Variants in KARS1 observed in about 807,000 individuals in gnomAD.
The protein encoded by KARS1 is lysine--tRNA ligase.
Under a neutral mutation model 63.9 loss-of-function variants are expected in KARS1, and 50 were observed. The ratio of observed to expected loss-of-function variants is 0.78; its 90% CI spans 0.62 to 0.99. The LOEUF is 0.99. Ranked by LOEUF, KARS1 falls within the 50% of genes least tolerant of loss-of-function variation. KARS1 has a pLI of 0.00. For missense variants in KARS1, 816 were observed against 754.5 expected (o/e 1.08, Z -0.95); for synonymous variants, 320 against 264.6 (o/e 1.21, Z -2.03).
At chr16:75,628,907 G>C in intron 12 of KARS1, 195 bp from the exon 13 acceptor site, 1 of 646,834 alleles carries the variant, frequency 1.5e-6, no homozygotes, top group Non-Finnish European at 2.7e-6. Context: ...GGTCAGGACT[G>C]ATGAAATCGA....
intron 1 of KARS1, among the ~76,000 whole-genome samples, chr16:75,646,890 G>C (rs2082291656): frequency 6.6e-6 from 1 of 152,242 alleles, no homozygotes; most frequent in Middle Eastern, 3.4e-3. Context: ...GTGTTCTGTG[G>C]TTCAAATGGG....
chr16:75,634,018 G>T, intron 7 of KARS1, 155 bp downstream of exon 7: 1 of 805,828 alleles, frequency 1.2e-6, no homozygotes. Context: ...AGAAATTCTG[G>T]AAGTGTTACT....
chr16:75,644,429 G>A, intron 1 of KARS1: 4 of 1,609,594 alleles, frequency 2.5e-6, no homozygotes, highest in Non-Finnish European at 3.4e-6. Context: ...GCGTCAACAT[G>A]GCAGAGCACC....
intron 6 of KARS1, chr16:75,635,367 CG>C (rs1362901632): frequency 1.5e-5 from 5 of 343,460 alleles, no homozygotes; most frequent in Non-Finnish European, 2.8e-5. Flanking sequence ...TTTTATGGTA[CG>C]TGTGTTTGCC....
In KARS1 at chr16:75,631,600, A is replaced by AT. The variant is rs2082114625; in HGVS notation, c.1079-12_1079-11insA. 1 of 1,613,998 alleles carries AT rather than the reference A, an allele frequency of 6.2e-7. No individual in the cohort carries two copies. Among genetic ancestry groups the AT allele is most frequent in the Admixed American group, 1.7e-5 (1 of 59,998 alleles). ...TATGCTTCACCATCCCTGGGAGAGA[A>AT]ACCTGTTATTTAGCGGGAATGAAAT... On this transcript the variant is annotated splice_polypyrimidine_tract_variant and intron_variant, in intron 8 of 13. Transcript: ENST00000302445.
intron 3 of KARS1, among the ~76,000 whole-genome samples, chr16:75,637,779 CAAAA>C (rs72500765): frequency 2.2e-5 from 2 of 91,228 alleles, no homozygotes; most frequent in Non-Finnish European, 4.5e-5. Context: ...AACTCAGTCT[CAAAA>C]AAAAAAAAAA....
intron 1 of KARS1, among the ~76,000 whole-genome samples, chr16:75,644,929 A>C (rs1408266630): frequency 6.6e-6 from 1 of 152,264 alleles, no homozygotes; most frequent in South Asian, 2.1e-4. Context: ...GTCAAAGAGA[A>C]GACTTGTTTG....
chr16:75,629,589 G>A, intron 11 of KARS1, 48 bp from the exon 12 acceptor site: 3 of 1,608,170 alleles, frequency 1.9e-6, no homozygotes, highest in East Asian at 2.2e-5. Context: ...GGCCCCTAAT[G>A]AGCTAAATTT....
At chr16:75,644,121 T>G (rs976891542) in intron 1 of KARS1, among the ~76,000 whole-genome samples, 1 of 152,240 alleles carries the variant, frequency 6.6e-6, no homozygotes, top group African/African-American at 2.4e-5. Flanking sequence ...CGATTTGAAT[T>G]TATTAAAGAG....
intron 2 of KARS1, 138 bp from the exon 3 acceptor site, chr16:75,640,487 AG>A (rs1417824736): frequency 1.3e-6 from 1 of 785,804 alleles, no homozygotes; most frequent in Admixed American, 2.4e-5. Context: ...TCTGCATTAC[AG>A]GATTGAATAT....
chr16:75,646,615 G>A (rs190527162), intron 1 of KARS1, among the ~76,000 whole-genome samples: 235 of 152,170 alleles, frequency 1.5e-3, no homozygotes, highest in African/African-American at 5.2e-3. Flanking sequence ...TAACTCCTTG[G>A]GGAAAGCGAT....
At chr16:75,637,882 G>C (rs577217761) in intron 3 of KARS1, among the ~76,000 whole-genome samples, 18 of 108,834 alleles carry the variant, frequency 1.7e-4, no homozygotes, top group African/African-American at 6.4e-4. Flanking sequence ...AAACTAACAG[G>C]ACAAGGAAAA....
Position 75,630,487 on chromosome 16 carries a change from C to T in KARS1, c.1360G>A (p.Val454Met). 1 of 1,610,554 alleles carries T rather than the reference C, an allele frequency of 6.2e-7. No individual in the cohort carries two copies. The highest frequency in any genetic ancestry group is 8.5e-7 in the Non-Finnish European group (1 of 1,177,134). The stretch of plus-strand genomic sequence containing the variant: ...ATGAATGTAGGATTGATGCAAGTCA[C>T]TTCCAGGAACTCCCCAACAAGCTTA... Reference protein sequence around the residue: ...LDKLVGEFLEVTCINPTFICD... With the variant: ...LDKLVGEFLEMTCINPTFICD... The change falls in exon 11 of 14, where the codon GTG becomes ATG. Residue 454 changes from valine (V) to methionine (M), a missense_variant. Coordinates refer to ENST00000302445, the MANE Select transcript of KARS1 (RefSeq NM_005548.3).
At position 75,628,695 on chromosome 16, in the gene KARS1, A is replaced by G; in HGVS notation, c.1569T>C (p.Asp523=). Residue 523 remains aspartate (D), a synonymous_variant, in exon 13 of 14, where the codon GAT becomes GAC. Coordinates refer to ENST00000302445, the MANE Select transcript of KARS1 (RefSeq NM_005548.3). ...EEQAKAKAAG[D]DEAMFIDENF... ...TTTCATCTATGAACATGGCCTCATC[A>G]TCACCTGCAGCCTTGGCCTAGAAGA... 1 of 1,614,224 alleles carries G rather than the reference A, an allele frequency of 6.2e-7. No individual in the cohort carries two copies. Among genetic ancestry groups the G allele is most frequent in the Non-Finnish European group, 8.5e-7 (1 of 1,180,040 alleles).
chr16:75,644,489 TCAGATGGGACAGACAGTATA>T, intron 1 of KARS1: 1 of 1,535,420 alleles, frequency 6.5e-7, no homozygotes, highest in South Asian at 1.2e-5. Flanking sequence ...AGATGTGGTG[TCAGATGGGACAGACAGTATA>T]CATATACCCA....
At chr16:75,637,665 G>C (rs1168311323) in intron 3 of KARS1, among the ~76,000 whole-genome samples, 9 of 151,812 alleles carry the variant, frequency 5.9e-5, no homozygotes, top group African/African-American at 9.7e-5. Flanking sequence ...TGTAATCCCA[G>C]CTACTTGGGA....
rs1216611088 is a variant in KARS1 at position 75,634,325 on chromosome 16, G to A, written c.796-33C>T. 1.9e-6 allele frequency: 3 copies of A among 1,611,836 alleles called. No homozygotes were observed. The South Asian group carries it at 3.3e-5, about 18-fold the overall frequency. ...AGGCAGGGAGAAACATCAGTCCTTA[G>A]ATAACCAGAGGCCTTGGGGACAGAC... On this transcript the variant is annotated intron_variant, in intron 6 of 13. Coordinates refer to ENST00000302445, the MANE Select transcript of KARS1 (RefSeq NM_005548.3).
At chr16:75,641,824 C>T (rs1241951412) in intron 1 of KARS1, 101 bp from the exon 2 acceptor site, 19 of 1,252,574 alleles carry the variant, frequency 1.5e-5, no homozygotes, top group East Asian at 1.4e-4. Flanking sequence ...CCAGGAGAAA[C>T]GCTCTTGCTC....
intron 1 of KARS1, chr16:75,644,346 C>G: frequency 1.9e-6 from 3 of 1,610,810 alleles, no homozygotes; most frequent in Non-Finnish European, 2.5e-6. Context: ...TTGACCCAGT[C>G]GCAGTTCCCT....
Sources: allele counts gnomAD v4.1 joint callset (sites outside exome capture counted in the v4.1 genomes callset), GRCh38; gene constraint gnomAD v4.1.1; transcripts MANE v1.5; gene names NCBI Gene and HGNC (gene_info 2026-07-23, HGNC 2026-07-21).